KAZN: variants seen among roughly 807,000 people sequenced by gnomAD.
KAZN encodes the protein kazrin, periplakin interacting protein, also known as kazrin.
In KAZN, 40 loss-of-function variants were observed where a neutral mutation model predicts 87.4. The ratio of observed to expected loss-of-function variants is 0.46; its 90% CI spans 0.36 to 0.60. KAZN has a LOEUF of 0.60. Ranked by LOEUF, KAZN falls within the 20% of genes least tolerant of loss-of-function variation. The pLI, the probability that KAZN is intolerant of heterozygous loss-of-function variation, is 0.00. For missense variants in KAZN, 898 were observed against 1,073.9 expected (o/e 0.84, Z 2.29); for synonymous variants, 466 against 458.3 (o/e 1.02, Z -0.22).
intron 2 of KAZN, among the ~76,000 whole-genome samples, chr1:14,221,617 G>T (rs148951547): frequency 6.6e-6 from 1 of 151,968 alleles, no homozygotes; most frequent in Non-Finnish European, 1.5e-5. Flanking sequence ...ATCCTGTTAC[G>T]AGTCACCATT....
At chr1:14,239,589 T>G (rs1387318855) in intron 2 of KAZN, among the ~76,000 whole-genome samples, 2 of 150,996 alleles carry the variant, frequency 1.3e-5, no homozygotes, top group African/African-American at 4.9e-5. Context: ...GCCTCCCGAG[T>G]AGCTGGGATT....
In KAZN at chr1:14,263,945, G is replaced by T. The variant is rs118076770; in HGVS notation, c.249+83353G>T. Among the ~76,000 whole-genome samples, 4 of 152,320 alleles carry T rather than the reference G, an allele frequency of 2.6e-5. No individual in the cohort carries two copies. The East Asian group carries it at 5.8e-4, about 22-fold the overall frequency. ...CTTCTGGCCATCTGACTGGTGGGTC[G>T]TCAGCTCCTGGGCTATCTCAGCTAT... On this transcript the variant is annotated intron_variant, in intron 2 of 16. Transcript: ENST00000636203.
intron 2 of KAZN, among the ~76,000 whole-genome samples, chr1:14,375,762 C>A (rs1436362011): frequency 1.3e-5 from 2 of 152,050 alleles, no homozygotes; most frequent in Admixed American, 6.6e-5. Flanking sequence ...GTGGCGGGTG[C>A]CTGTAGTCCC....
rs1009399616 is a variant in KAZN at position 14,971,681 on chromosome 1, CTTTTTTTTTT to C, written c.418+10815_418+10824del. On this transcript the variant is annotated intron_variant, in intron 2 of 14. Coordinates refer to ENST00000376030, the MANE Select transcript of KAZN (RefSeq NM_201628.3). ...GAGTTGTTTTTTTTTTTTTCTTTTT[CTTTTTTTTTT>C]TTTTTTTTGAGACGGACTCTCGCTC... Among the ~76,000 whole-genome samples the C allele has an allele frequency of 9.3e-3, 972 of 104,844 alleles. 14 individuals carry two copies. Among genetic ancestry groups the C allele is most frequent in the African/African-American group, 0.035 (921 of 26,090 alleles). 68.8% of individuals were successfully genotyped at this position (104,844 alleles called of 152,430 possible). A position where few individuals can be genotyped will look rare whatever the true frequency, so the allele number is the denominator to read the frequency against.
intron 1 of KAZN, among the ~76,000 whole-genome samples, chr1:14,151,040 A>G (rs1035358261): frequency 3.3e-5 from 5 of 152,194 alleles, no homozygotes; most frequent in African/African-American, 7.2e-5. Flanking sequence ...AAACTATGTG[A>G]ACAGTGTAGT....
intron 2 of KAZN, among the ~76,000 whole-genome samples, chr1:14,342,690 G>T (rs1657822378): frequency 6.6e-6 from 1 of 152,248 alleles, no homozygotes; most frequent in African/African-American, 2.4e-5. Context: ...AGGAGAAAGA[G>T]GTTGGGGGAG....
At chr1:14,098,520 G>A in intron 1 of KAZN, among the ~76,000 whole-genome samples, 1 of 152,226 alleles carries the variant, frequency 6.6e-6, no homozygotes, top group African/African-American at 2.4e-5. Flanking sequence ...AAAAGGGGTT[G>A]CTGTGGGCAA....
chr1:14,177,144 C>CCTGTCTGGTG (rs1646095099), intron 1 of KAZN, among the ~76,000 whole-genome samples: 1 of 151,888 alleles, frequency 6.6e-6, no homozygotes, highest in Admixed American at 6.6e-5. Flanking sequence ...GGTGACACAG[C>CCTGTCTGGTG]GAGACGCCAT....
intron 2 of KAZN, among the ~76,000 whole-genome samples, chr1:14,497,179 C>T (rs929209808): frequency 2.0e-5 from 3 of 151,706 alleles, no homozygotes; most frequent in African/African-American, 7.3e-5. Flanking sequence ...GATAAAACAC[C>T]GACTTCACCC....
intron 1 of KAZN, among the ~76,000 whole-genome samples, chr1:14,892,756 G>A (rs538667256): frequency 3.8e-4 from 58 of 152,268 alleles, no homozygotes; most frequent in Non-Finnish European, 7.1e-4. Context: ...CTTGTGCCAC[G>A]GGGCTGTGGG....
At chr1:14,995,878 G>T (rs1047773401) in intron 2 of KAZN, among the ~76,000 whole-genome samples, 2 of 152,108 alleles carry the variant, frequency 1.3e-5, no homozygotes, top group Non-Finnish European at 2.9e-5. Context: ...TCTGCTTGGG[G>T]CTTTAAACAT....
rs1247837632 is a variant in KAZN, at chr1:14,949,119, C to T, written c.227-11565C>T. Among the ~76,000 whole-genome samples, 1 of 151,174 alleles carries T rather than the reference C, an allele frequency of 6.6e-6. No homozygotes were observed. Among genetic ancestry groups the T allele is most frequent in the Non-Finnish European group, 1.5e-5 (1 of 67,898 alleles). ...AGTGAGCCAAGATCATGCCACTGCA[C>T]TCCAGCCTGGGCAACAGAGTGAGAC... is the stretch of plus-strand genomic sequence containing the variant. On this transcript the variant is annotated intron_variant, in intron 1 of 14. Coordinates refer to ENST00000376030, the MANE Select transcript of KAZN (RefSeq NM_201628.3). This position sits in a 1 kb window ranked among gnomAD's most constrained non-coding sequence, Gnocchi z 4.3.
chr1:14,582,040 T>A (rs1432971709), intron 2 of KAZN, among the ~76,000 whole-genome samples: 2 of 150,090 alleles, frequency 1.3e-5, no homozygotes, highest in Non-Finnish European at 3.0e-5. Context: ...ACTTTGCCTA[T>A]TTTTTTTTCA....
At chr1:14,978,772 A>T (rs1665930304) in intron 2 of KAZN, among the ~76,000 whole-genome samples, 1 of 151,974 alleles carries the variant, frequency 6.6e-6, no homozygotes. Flanking sequence ...AGTCTTTCTG[A>T]GCTGCTCCTA....
chr1:14,144,748 A>G (rs1458659481), intron 1 of KAZN, among the ~76,000 whole-genome samples: 1 of 152,216 alleles, frequency 6.6e-6, no homozygotes, highest in Non-Finnish European at 1.5e-5. Flanking sequence ...CACAGTAGAA[A>G]GTGGAAGGAG....
At chr1:14,563,840 G>C (rs1269410319) in intron 2 of KAZN, among the ~76,000 whole-genome samples, 1 of 144,840 alleles carries the variant, frequency 6.9e-6, no homozygotes, top group Non-Finnish European at 1.5e-5. Flanking sequence ...GAGGCCTTTG[G>C]TGCCTGATTG....
intron 1 of KAZN, among the ~76,000 whole-genome samples, chr1:13,939,602 C>G (rs1016429791): frequency 2.6e-5 from 4 of 152,368 alleles, no homozygotes; most frequent in Admixed American, 1.3e-4. Flanking sequence ...GCCCGTTACC[C>G]AGTTCCAAAG....
At chr1:14,307,810 C>T (rs1423640184) in intron 2 of KAZN, among the ~76,000 whole-genome samples, 1 of 152,130 alleles carries the variant, frequency 6.6e-6, no homozygotes, top group Admixed American at 6.5e-5. Flanking sequence ...ATACAGAGTT[C>T]CACTCCCTAC....
At chr1:14,482,143 C>A (rs187431734) in intron 2 of KAZN, among the ~76,000 whole-genome samples, 2 of 152,178 alleles carry the variant, frequency 1.3e-5, no homozygotes, top group Non-Finnish European at 2.9e-5. Context: ...AGGAAGAAGG[C>A]CACCTCCGGG....
Sources: gnomAD v4.1 joint callset for allele counts (sites outside exome capture counted in the v4.1 genomes callset) on GRCh38, gnomAD v4.1.1 for gene constraint, Gnocchi (gnomAD v3.1) non-coding constraint, MANE v1.5 for transcripts, NCBI Gene and HGNC (gene_info 2026-07-23, HGNC 2026-07-21) for gene names.